The following FHIT variants were observed in gnomAD, a reference collection of about 807,000 sequenced individuals.
The protein encoded by FHIT is bis(5'-adenosyl)-triphosphatase.
Under a neutral mutation model 17.9 loss-of-function variants are expected in FHIT, and 19 were observed. The observed-to-expected ratio is 1.06, with a 90% confidence interval of 0.74 to 1.56. The LOEUF (loss-of-function observed/expected upper bound fraction) is 1.56, where lower values mean the gene tolerates loss of function less well. Among genes scored for constraint, FHIT ranks in the 40% most tolerant of loss-of-function variants. FHIT has a pLI of 0.00. For missense variants in FHIT, 248 were observed against 189.2 expected, an observed-to-expected ratio of 1.31 and a Z score of -1.82; for synonymous variants, 81 against 69.7, an observed-to-expected ratio of 1.16 and a Z score of -0.81.
chr3:61,181,890 C>T lies in FHIT; in HGVS notation c.-164+18727G>A, dbSNP rs544620626. Among the ~76,000 whole-genome samples the T allele has an allele frequency of 4.3e-4, 65 of 152,222 alleles. 2 individuals are homozygous for T. Among genetic ancestry groups the T allele is most frequent in the African/African-American group, 1.5e-3 (63 of 41,530 alleles). On this transcript the variant is annotated intron_variant, in intron 2 of 9. Transcript: ENST00000492590. Reference sequence around the variant, plus strand: ...ATATTCTATTTATTCTATTACATTTCTGTTCTATAAGTGTATGGTTAGATG... The same window carrying T: ...ATATTCTATTTATTCTATTACATTTTTGTTCTATAAGTGTATGGTTAGATG...
chr3:59,878,051 T>A lies in FHIT; in HGVS notation c.348+44295A>T, dbSNP rs182964826. ...ATTAATAAGGAATAAGTAGTTATAT[T>A]TTAGGTTAATAGTTGTACCATTATT... On this transcript the variant is annotated intron_variant, in intron 8 of 9. Transcript: ENST00000492590. Among the ~76,000 whole-genome samples, 122 of 152,338 alleles carry A rather than the reference T, an allele frequency of 8.0e-4. 2 individuals are homozygous for A. The highest frequency in any genetic ancestry group is 2.9e-3 in the African/African-American group (119 of 41,576).
chr3:60,388,611 C>T (rs148558317), intron 5 of FHIT, among the ~76,000 whole-genome samples: 191 of 152,152 alleles, frequency 1.3e-3, no homozygotes, highest in African/African-American at 2.8e-3. Context: ...CAAAACGAAA[C>T]CACCACACAA....
chr3:60,224,563 GT>G (rs374144014), intron 5 of FHIT, among the ~76,000 whole-genome samples: 183 of 152,130 alleles, frequency 1.2e-3, no homozygotes, highest in African/African-American at 4.1e-3. Context: ...TGAAGGCCCA[GT>G]TCACCGGAGC....
chr3:60,164,465 G>A (rs576822380), intron 5 of FHIT, among the ~76,000 whole-genome samples: 26 of 152,204 alleles, frequency 1.7e-4, no homozygotes, highest in Non-Finnish European at 3.2e-4. Context: ...CCACGTTTCC[G>A]TGATGGATAT....
intron 8 of FHIT, among the ~76,000 whole-genome samples, chr3:59,816,865 CT>C (rs1700617754): frequency 6.6e-6 from 1 of 152,180 alleles, no homozygotes; most frequent in South Asian, 2.1e-4. Context: ...CTCTGGAGAT[CT>C]TCAGAAAATC....
chr3:60,460,342 A>G (rs1195959095), intron 5 of FHIT, among the ~76,000 whole-genome samples: 1 of 152,148 alleles, frequency 6.6e-6, no homozygotes, highest in Admixed American at 6.5e-5. Context: ...TTGGACTAAT[A>G]ACCAACCATG....
chr3:60,026,330 T>C (rs572425621), intron 5 of FHIT, among the ~76,000 whole-genome samples: 1 of 141,476 alleles, frequency 7.1e-6, no homozygotes, highest in African/African-American at 2.7e-5. Flanking sequence ...AAAAAAAAAA[T>C]AGTCAATGGA....
At chr3:60,909,340 GTCTGGGCAGCAGAGCGAGAC>G (rs1706601087) in intron 3 of FHIT, among the ~76,000 whole-genome samples, 2 of 144,260 alleles carry the variant, frequency 1.4e-5, no homozygotes, top group Non-Finnish European at 3.0e-5. Context: ...CTGCACTCCA[GTCTGGGCAGCAGAGCGAGAC>G]TCTGTCTCGA....
chr3:60,044,656 T>C (rs1701578067), intron 5 of FHIT, among the ~76,000 whole-genome samples: 1 of 152,194 alleles, frequency 6.6e-6, no homozygotes, highest in South Asian at 2.1e-4. Context: ...AGGATTTTGC[T>C]TGCACATGGT....
chr3:60,579,299 T>A (rs2037678358), intron 4 of FHIT, among the ~76,000 whole-genome samples: 1 of 152,166 alleles, frequency 6.6e-6, no homozygotes, highest in African/African-American at 2.4e-5. Context: ...GTTAACATAC[T>A]GAATACTGTA....
intron 3 of FHIT, among the ~76,000 whole-genome samples, chr3:60,857,916 T>C (rs983824608): frequency 3.9e-5 from 6 of 152,158 alleles, no homozygotes; most frequent in South Asian, 2.1e-4. Context: ...CTTTTTAAGA[T>C]TCCATCTCTT....
At chr3:59,931,548 A>C (rs1234164469) in intron 7 of FHIT, among the ~76,000 whole-genome samples, 1 of 152,182 alleles carries the variant, frequency 6.6e-6, no homozygotes, top group African/African-American at 2.4e-5. Flanking sequence ...TTCACTTAGA[A>C]TATTAGCAAT....
intron 4 of FHIT, among the ~76,000 whole-genome samples, chr3:60,788,089 A>G (rs1700645276): frequency 6.6e-6 from 1 of 152,242 alleles, no homozygotes; most frequent in Non-Finnish European, 1.5e-5. Context: ...GCATCTTTAA[A>G]TAAAAGTAAA....
chr3:61,073,127 A>C (rs2034861601), intron 2 of FHIT, among the ~76,000 whole-genome samples: 1 of 152,180 alleles, frequency 6.6e-6, no homozygotes, highest in Non-Finnish European at 1.5e-5. Context: ...ACCTCTTCCA[A>C]TCCCTCCTCC....
intron 4 of FHIT, among the ~76,000 whole-genome samples, chr3:60,796,194 A>T (rs1265634666): frequency 6.6e-6 from 1 of 152,176 alleles, no homozygotes; most frequent in African/African-American, 2.4e-5. Flanking sequence ...GAATTCGGGG[A>T]GATACAACTC....
rs186576504 is a variant in FHIT, at chr3:60,762,940, G to A, written c.-18+58979C>T. Among the ~76,000 whole-genome samples, 14 of 152,174 alleles carry A rather than the reference G, an allele frequency of 9.2e-5. No individual in the cohort carries two copies. In the East Asian group the frequency reaches 2.5e-3, roughly 27 times the overall value. On this transcript the variant is annotated intron_variant, in intron 4 of 9. Transcript: ENST00000492590. ...AGCCTTCATAATCATGTGAGTGAAC[G>A]GCTTAAAATCGATCATCTCTGTCTC...
At chr3:59,783,512 A>G (rs1463442833) in intron 8 of FHIT, among the ~76,000 whole-genome samples, 6 of 152,168 alleles carry the variant, frequency 3.9e-5, no homozygotes, top group Admixed American at 2.0e-4. Flanking sequence ...TAGTGTCCCA[A>G]TAGAAGCACT....
intron 5 of FHIT, among the ~76,000 whole-genome samples, chr3:60,192,264 A>AAC (rs1553708225): frequency 6.6e-6 from 1 of 151,728 alleles, no homozygotes; most frequent in African/African-American, 2.4e-5. Flanking sequence ...AAAAAAAAAA[A>AAC]AAAAGTTAAA....
intron 4 of FHIT, among the ~76,000 whole-genome samples, chr3:60,788,457 G>A (rs1027529100): frequency 1.3e-5 from 2 of 152,124 alleles, no homozygotes; most frequent in African/African-American, 2.4e-5. Context: ...GAATGTATAT[G>A]TGTATATATA....
Sources: gnomAD v4.1 joint callset for allele counts (sites outside exome capture counted in the v4.1 genomes callset) on GRCh38, gnomAD v4.1.1 for gene constraint, MANE v1.5 for transcripts, NCBI Gene and HGNC (gene_info 2026-07-23, HGNC 2026-07-21) for gene names.